The following APBA2 variants were observed in gnomAD, a reference collection of about 807,000 sequenced individuals.
The protein encoded by APBA2 is amyloid beta precursor protein binding family A member 2.
Under a neutral mutation model 75.0 loss-of-function variants are expected in APBA2, and 30 were observed. The observed-to-expected ratio is 0.40, with a 90% CI of 0.30 to 0.54. APBA2 has a LOEUF of 0.54. Ranked by LOEUF, APBA2 falls within the 20% of genes least tolerant of loss-of-function variation. The pLI is 0.49. For synonymous variants in APBA2, 444 were observed against 409.6 expected (o/e 1.08, Z -1.01); for missense variants, 801 against 1,016.1 (o/e 0.79, Z 2.88).
chr15:29,080,765 C>T (rs2043052146), intron 6 of APBA2, among the ~76,000 whole-genome samples: 1 of 152,160 alleles, frequency 6.6e-6, no homozygotes, highest in African/African-American at 2.4e-5. Flanking sequence ...CAGGTAAACA[C>T]GTGCTCATTA....
chr15:28,930,108 G>A (rs1341422737), intron 2 of APBA2, among the ~76,000 whole-genome samples: 4 of 152,130 alleles, frequency 2.6e-5, no homozygotes, highest in Admixed American at 6.5e-5. Context: ...TATGTCTCCC[G>A]TCCCTCCCTG....
chr15:28,888,574 C>T (rs144124089), intron 1 of APBA2, among the ~76,000 whole-genome samples: 68,005 of 152,060 alleles, frequency 0.45, 15,520 homozygotes, highest in Non-Finnish European at 0.47. Flanking sequence ...CACCATGGTC[C>T]GAAGTCGTGG....
rs1044514911 is a variant in APBA2 at position 29,046,332 on chromosome 15, C to T, written c.-40-7513C>T. ...CTTCTCACCTCCCCTTGGCCACACC[C>T]CACTTTTGTGTCTTGGGAATTATCT... On this transcript the variant is annotated intron_variant, in intron 3 of 14. Coordinates refer to ENST00000683413, the MANE Select transcript of APBA2 (RefSeq NM_001353788.2). The surrounding 1 kb of genome is among the most constrained non-coding windows in gnomAD (Gnocchi z 5.0). Among the ~76,000 whole-genome samples the T allele has an allele frequency of 2.6e-5, 4 of 152,188 alleles. No homozygotes were observed. The highest frequency in any genetic ancestry group is 5.9e-5 in the Non-Finnish European group (4 of 68,030).
At chr15:29,076,183 T>C in intron 6 of APBA2, 92 bp downstream of exon 6, 2 of 1,382,432 alleles carry the variant, frequency 1.4e-6, no homozygotes, top group Non-Finnish European at 2.1e-6. Context: ...CCTGCAAAGC[T>C]TGTTTACAAA....
At chr15:28,971,238 T>C (rs1167373279) in intron 2 of APBA2, among the ~76,000 whole-genome samples, 1 of 152,062 alleles carries the variant, frequency 6.6e-6, no homozygotes, top group East Asian at 1.9e-4. Flanking sequence ...TTAATCACGA[T>C]TGGATAAGGG....
At chr15:28,895,043 C>G (rs2032385617) in intron 1 of APBA2, among the ~76,000 whole-genome samples, 1 of 152,198 alleles carries the variant, frequency 6.6e-6, no homozygotes, top group South Asian at 2.1e-4. Flanking sequence ...TTTAATTTTA[C>G]CCTTTAGAGA....
chr15:29,068,063 A>G (rs1215324494), intron 4 of APBA2, among the ~76,000 whole-genome samples: 1 of 152,212 alleles, frequency 6.6e-6, no homozygotes, highest in African/African-American at 2.4e-5. Context: ...CCATCGTTAC[A>G]TTCATTTTTC....
chr15:28,937,801 C>T (rs991959002), intron 2 of APBA2, among the ~76,000 whole-genome samples: 4 of 152,004 alleles, frequency 2.6e-5, no homozygotes, highest in Non-Finnish European at 4.4e-5. Context: ...GGACTACAGG[C>T]GCCCGCCACC....
chr15:29,000,489 C>CCGTCTTG (rs1162793195), intron 3 of APBA2, among the ~76,000 whole-genome samples: 3 of 152,214 alleles, frequency 2.0e-5, no homozygotes, highest in African/African-American at 7.2e-5. Context: ...TCTGATGCAG[C>CCGTCTTG]CGTCTTGCTC....
chr15:28,897,080 C>T (rs1209804348), intron 1 of APBA2, among the ~76,000 whole-genome samples: 2 of 152,078 alleles, frequency 1.3e-5, no homozygotes, highest in Non-Finnish European at 2.9e-5. Context: ...CTGCCAGTGT[C>T]TTAGTGGAAT....
At chr15:28,911,845 C>T (rs1385681865) in intron 1 of APBA2, among the ~76,000 whole-genome samples, 2 of 152,172 alleles carry the variant, frequency 1.3e-5, no homozygotes, top group African/African-American at 4.8e-5. Flanking sequence ...ATAGATGCTT[C>T]CTCGCTATTA....
At chr15:29,028,061 G>A (rs914025479) in intron 3 of APBA2, among the ~76,000 whole-genome samples, 7 of 151,402 alleles carry the variant, frequency 4.6e-5, no homozygotes, top group South Asian at 2.1e-4. Context: ...GCCGGTAAAC[G>A]TGTGCCATGG....
intron 2 of APBA2, among the ~76,000 whole-genome samples, chr15:28,979,914 A>G (rs1319861812): frequency 6.6e-6 from 1 of 152,228 alleles, no homozygotes. Context: ...GCAAGCCAAC[A>G]CAACCATCCT....
chr15:28,978,329 T>C (rs1283821574), intron 2 of APBA2, among the ~76,000 whole-genome samples: 7 of 152,222 alleles, frequency 4.6e-5, no homozygotes, highest in African/African-American at 1.7e-4. Context: ...TTTGCCTTCA[T>C]TGTCACAGAT....
chr15:29,071,281 C>T (rs974730667), intron 4 of APBA2, among the ~76,000 whole-genome samples: 2 of 152,118 alleles, frequency 1.3e-5, no homozygotes, highest in East Asian at 3.9e-4. Context: ...ATTTTTATTA[C>T]AAGCATTTAT....
At chr15:29,109,883 G>A (rs2044635883) in intron 13 of APBA2, among the ~76,000 whole-genome samples, 3 of 152,230 alleles carry the variant, frequency 2.0e-5, no homozygotes, top group Admixed American at 1.3e-4. Flanking sequence ...CAAGGAGGAG[G>A]CCCCGTGGCC....
chr15:28,967,262 C>A (rs975666035), intron 2 of APBA2, among the ~76,000 whole-genome samples: 2 of 152,042 alleles, frequency 1.3e-5, no homozygotes, highest in African/African-American at 4.8e-5. Context: ...TTAGTGTATT[C>A]ACAGAGTTTT....
At chr15:28,928,060 C>T (rs570639133) in intron 2 of APBA2, among the ~76,000 whole-genome samples, 3 of 149,334 alleles carry the variant, frequency 2.0e-5, no homozygotes, top group South Asian at 4.2e-4. Context: ...AGGAGAATGA[C>T]GTGAACCTGG....
chr15:28,886,195 A>C lies in APBA2; in HGVS notation c.-288A>C, dbSNP rs2069264302. ...GCGGTGTGCGGCTCGGCGCGGGCTC[A>C]CAAAGAGCTCGGCCTCGCGGACTGA... On this transcript the variant is annotated 5_prime_UTR_variant, in exon 1 of 15. Coordinates refer to ENST00000683413, the MANE Select transcript of APBA2 (RefSeq NM_001353788.2). 2 of 150,692 alleles carry C rather than the reference A, an allele frequency of 1.3e-5. No homozygotes were observed. Among genetic ancestry groups the C allele is most frequent in the African/African-American group, 2.4e-5 (1 of 41,238 alleles). 9.3% of individuals were successfully genotyped at this position (150,692 alleles called of 1,614,324 possible). A position where few individuals can be genotyped will look rare whatever the true frequency, so the allele number is the denominator to read the frequency against.
Sources: allele counts gnomAD v4.1 joint callset (sites outside exome capture counted in the v4.1 genomes callset), GRCh38; gene constraint gnomAD v4.1.1; non-coding constraint Gnocchi (gnomAD v3.1); transcripts MANE v1.5; gene names NCBI Gene and HGNC (gene_info 2026-07-23, HGNC 2026-07-21).